Variants in DGKB observed in about 807,000 individuals in gnomAD.
DGKB encodes the protein 90 kDa diacylglycerol kinase.
Under a neutral mutation model 114.3 loss-of-function variants are expected in DGKB, and 67 were observed. The observed-to-expected ratio is 0.59, with a 90% confidence interval of 0.48 to 0.72. The LOEUF (loss-of-function observed/expected upper bound fraction) is 0.72. Among genes scored for constraint, DGKB ranks in the 30% least tolerant of loss-of-function variants. DGKB has a pLI of 0.00. For missense variants in DGKB, 907 were observed against 975.2 expected, an observed-to-expected ratio of 0.93 and a Z score of 0.93; for synonymous variants, 398 against 323.1, an observed-to-expected ratio of 1.23 and a Z score of -2.49.
intron 1 of DGKB, among the ~76,000 whole-genome samples, chr7:14,920,380 T>A (rs1587383207): frequency 2.0e-5 from 3 of 152,172 alleles, no homozygotes; most frequent in Admixed American, 6.5e-5. Context: ...AGATGGCAAA[T>A]AAACACATGA....
At chr7:14,755,847 T>C (rs1834795033) in intron 3 of DGKB, among the ~76,000 whole-genome samples, 1 of 152,116 alleles carries the variant, frequency 6.6e-6, no homozygotes, top group Non-Finnish European at 1.5e-5. Context: ...GTTTTGCTCT[T>C]AATTTAGAAT....
intron 1 of DGKB, among the ~76,000 whole-genome samples, chr7:14,917,885 G>C (rs73287038): frequency 5.3e-5 from 8 of 152,028 alleles, no homozygotes; most frequent in African/African-American, 1.9e-4. Context: ...ATCCAACAAC[G>C]TATAGAAAGA....
intron 12 of DGKB, 38 bp from the exon 13 acceptor site, chr7:14,673,065 A>ATAACTTAGGAT (rs1469894735): frequency 1.7e-6 from 2 of 1,205,162 alleles, no homozygotes; most frequent in Non-Finnish European, 2.4e-6. Context: ...CAAATTCTAC[A>ATAACTTAGGAT]TGACAACGCC....
At chr7:14,280,437 C>A (rs1427303586) in intron 23 of DGKB, among the ~76,000 whole-genome samples, 1 of 151,312 alleles carries the variant, frequency 6.6e-6, no homozygotes, top group Admixed American at 6.6e-5. Context: ...AAACACTCTG[C>A]AGGATGTTAT....
chr7:14,718,394 CAGCAGGAGGAAATTTTTACTATTA>C (rs1828562982), intron 6 of DGKB, 124 bp downstream of exon 6: 2 of 567,014 alleles, frequency 3.5e-6, no homozygotes, highest in South Asian at 8.6e-5. Context: ...GTCTGATCCT[CAGCAGGAGGAAATTTTTACTATTA>C]AGCAGGATCA....
intron 2 of DGKB, among the ~76,000 whole-genome samples, chr7:14,799,916 TTTTC>T (rs1841923419): frequency 6.6e-6 from 1 of 151,684 alleles, no homozygotes; most frequent in African/African-American, 2.4e-5. Context: ...ATTATTCTCC[TTTTC>T]TTTTCTTTTT....
intron 23 of DGKB, among the ~76,000 whole-genome samples, chr7:14,318,600 C>G: frequency 6.6e-6 from 1 of 152,096 alleles, no homozygotes; most frequent in Non-Finnish European, 1.5e-5. Flanking sequence ...CCATCTCACA[C>G]CAGTTAGAAT....
At chr7:14,961,061 G>A (rs73288927) in intron 1 of DGKB, among the ~76,000 whole-genome samples, 9,461 of 152,022 alleles carry the variant, frequency 0.062, 911 homozygotes, top group African/African-American at 0.21. Flanking sequence ...ACTGACTAAG[G>A]AGAAAAAGCA....
At chr7:14,360,222 C>T (rs1815438858) in intron 21 of DGKB, among the ~76,000 whole-genome samples, 1 of 151,938 alleles carries the variant, frequency 6.6e-6, no homozygotes, top group African/African-American at 2.4e-5. Context: ...GACAGAAAAC[C>T]AAACACCACA....
At chr7:14,923,148 C>A (rs116653389) in intron 1 of DGKB, among the ~76,000 whole-genome samples, 2,290 of 152,244 alleles carry the variant, frequency 0.015, 60 homozygotes, top group African/African-American at 0.052. Context: ...ATTGAGTCAG[C>A]TGTCTGTCAA....
intron 2 of DGKB, among the ~76,000 whole-genome samples, chr7:14,834,559 G>C (rs1846884466): frequency 6.6e-6 from 1 of 151,992 alleles, no homozygotes; most frequent in Admixed American, 6.6e-5. Context: ...TTCTCTCTCT[G>C]TCACAGCAAC....
At chr7:14,716,023 T>C (rs1352643791) in intron 6 of DGKB, among the ~76,000 whole-genome samples, 1 of 152,180 alleles carries the variant, frequency 6.6e-6, no homozygotes, top group African/African-American at 2.4e-5. Flanking sequence ...TTAAAAATAT[T>C]TGGGGAAACA....
At chr7:14,279,300 G>T (rs112274044) in intron 23 of DGKB, among the ~76,000 whole-genome samples, 7,674 of 152,216 alleles carry the variant, frequency 0.05, 621 homozygotes, top group African/African-American at 0.17. Context: ...CAGCCAGGCG[G>T]GGGGAGGGGC....
At chr7:14,511,251 G>T (rs1787936232) in intron 20 of DGKB, among the ~76,000 whole-genome samples, 1 of 152,162 alleles carries the variant, frequency 6.6e-6, no homozygotes, top group Non-Finnish European at 1.5e-5. Flanking sequence ...AAAATCTGTT[G>T]CTTAGTGTAC....
At chr7:14,320,729 A>G (rs1807615431) in intron 23 of DGKB, among the ~76,000 whole-genome samples, 1 of 152,104 alleles carries the variant, frequency 6.6e-6, no homozygotes, top group South Asian at 2.1e-4. Context: ...ACACAAAGCT[A>G]TAAGCCTCTG....
intron 20 of DGKB, among the ~76,000 whole-genome samples, chr7:14,571,412 T>C (rs1436890325): frequency 2.0e-5 from 3 of 152,170 alleles, no homozygotes; most frequent in Admixed American, 1.3e-4. Context: ...CTGTGGCAAA[T>C]GAACAGGGAG....
At chr7:14,433,124 C>G (rs60294470) in intron 21 of DGKB, among the ~76,000 whole-genome samples, 17,289 of 152,154 alleles carry the variant, frequency 0.11, 1,177 homozygotes, top group East Asian at 0.28. Flanking sequence ...TGAGGTCACA[C>G]ACTCTCCCTG....
chr7:14,870,651 C>T (rs1189459268), intron 1 of DGKB, among the ~76,000 whole-genome samples: 2 of 152,070 alleles, frequency 1.3e-5, no homozygotes, highest in South Asian at 2.1e-4. Context: ...CAAAAACACC[C>T]GGGCATGGTG....
chr7:14,662,434 G>A (rs988880444), intron 13 of DGKB, among the ~76,000 whole-genome samples: 5 of 151,748 alleles, frequency 3.3e-5, no homozygotes, highest in African/African-American at 4.8e-5. Context: ...CCATAAAAGC[G>A]GACTCATTTG....
Sources: allele counts gnomAD v4.1 joint callset (sites outside exome capture counted in the v4.1 genomes callset), GRCh38; gene constraint gnomAD v4.1.1; transcripts MANE v1.5; gene names NCBI Gene and HGNC (gene_info 2026-07-23, HGNC 2026-07-21).